Variants in FAM169A observed in about 807,000 individuals in gnomAD.
FAM169A encodes soluble lamin-associated protein of 75 kDa.
In FAM169A, 24 loss-of-function variants were observed where a neutral mutation model predicts 75.7. That is an observed-to-expected ratio of 0.32 (90% confidence interval 0.23 to 0.45). FAM169A has a LOEUF of 0.45. Among genes scored for constraint, FAM169A ranks in the 20% least tolerant of loss-of-function variants. FAM169A has a pLI of 1.00. For missense variants in FAM169A, 673 were observed against 784.0 expected (o/e 0.86, Z 1.69); for synonymous variants, 271 against 271.0 (o/e 1.00, Z 0.00).
chr5:74,809,819 A>C (rs1182270543), intron 6 of FAM169A, among the ~76,000 whole-genome samples: 1 of 152,192 alleles, frequency 6.6e-6, no homozygotes, highest in East Asian at 1.9e-4. Context: ...ATTAAAATTA[A>C]AGAGATTGAC....
chr5:74,834,616 AC>A lies in FAM169A; in HGVS notation c.319-20del. 6.6e-7 allele frequency: 1 copy of A among 1,509,574 alleles called. No individual in the cohort carries two copies. The highest frequency in any genetic ancestry group is 8.8e-7 in the Non-Finnish European group (1 of 1,131,280). The allele number at this position is 1,509,574 out of a possible 1,614,324, so 93.5% of individuals were successfully genotyped here. On this transcript the variant is annotated intron_variant, in intron 4 of 12. Coordinates refer to ENST00000687041, the MANE Select transcript of FAM169A (RefSeq NM_001376049.1). ...TGCTCACCTACAAAGAGAGTCAAAC[AC>A]CAGGCACAGCAGTTATAATATGCAT...
At chr5:74,829,263 T>C (rs1275889766) in intron 5 of FAM169A, among the ~76,000 whole-genome samples, 1 of 152,202 alleles carries the variant, frequency 6.6e-6, no homozygotes, top group African/African-American at 2.4e-5. Flanking sequence ...AAATATCTGA[T>C]TTTGCAACCA....
chr5:74,821,904 T>C (rs1311486976), intron 5 of FAM169A, among the ~76,000 whole-genome samples: 1 of 152,330 alleles, frequency 6.6e-6, no homozygotes, highest in East Asian at 1.9e-4. Flanking sequence ...AGTGGGACAG[T>C]CTGTAGTGGC....
chr5:74,783,960 T>C (rs578239081), intron 11 of FAM169A, among the ~76,000 whole-genome samples: 18 of 152,328 alleles, frequency 1.2e-4, no homozygotes, highest in African/African-American at 4.1e-4. Flanking sequence ...AATCACGGTT[T>C]TTAATTTTTC....
At chr5:74,829,865 C>A (rs965421307) in intron 5 of FAM169A, among the ~76,000 whole-genome samples, 1 of 151,986 alleles carries the variant, frequency 6.6e-6, no homozygotes, top group Non-Finnish European at 1.5e-5. Flanking sequence ...CCCAGCTACT[C>A]AGAAGGCTGA....
At chr5:74,843,477 C>T (rs1306541141) in intron 1 of FAM169A, among the ~76,000 whole-genome samples, 1 of 152,082 alleles carries the variant, frequency 6.6e-6, no homozygotes, top group Admixed American at 6.6e-5. Flanking sequence ...GTGATACAGG[C>T]ATGTGAATCA....
intron 8 of FAM169A, 70 bp from the exon 9 acceptor site, chr5:74,801,699 T>C (rs942223636): frequency 1.1e-5 from 13 of 1,162,012 alleles, no homozygotes; most frequent in South Asian, 3.9e-5. Context: ...ATTTCACTTA[T>C]AGTTTCAAAG....
intron 10 of FAM169A, among the ~76,000 whole-genome samples, chr5:74,797,086 C>T (rs138320909): frequency 3.2e-3 from 489 of 152,294 alleles, no homozygotes; most frequent in Admixed American, 5.3e-3. Flanking sequence ...ATCATCTACA[C>T]CTGTGATAGC....
chr5:74,844,544 A>G (rs575491516), intron 1 of FAM169A, among the ~76,000 whole-genome samples: 2 of 151,812 alleles, frequency 1.3e-5, no homozygotes, highest in South Asian at 4.2e-4. Context: ...TATGGGCCAG[A>G]CACAGTGGCT....
At chr5:74,799,860 A>G in intron 10 of FAM169A, 1 of 1,017,596 alleles carries the variant, frequency 9.8e-7, no homozygotes, top group Non-Finnish European at 1.6e-6. Flanking sequence ...AGACATTCCA[A>G]AACAGAGCAT....
At chr5:74,792,227 T>C (rs1333551554) in intron 11 of FAM169A, among the ~76,000 whole-genome samples, 1 of 152,176 alleles carries the variant, frequency 6.6e-6, no homozygotes, top group Non-Finnish European at 1.5e-5. Flanking sequence ...AGTGTCAACT[T>C]GATTGGATTG....
chr5:74,854,865 C>T (rs1392450065), intron 1 of FAM169A, among the ~76,000 whole-genome samples: 1 of 152,190 alleles, frequency 6.6e-6, no homozygotes, highest in Non-Finnish European at 1.5e-5. Flanking sequence ...CGATGATTGA[C>T]ACTCACGTTG....
intron 1 of FAM169A, among the ~76,000 whole-genome samples, chr5:74,865,025 G>C (rs1467229487): frequency 6.6e-6 from 1 of 152,206 alleles, no homozygotes; most frequent in Non-Finnish European, 1.5e-5. Context: ...ACCAAACCCA[G>C]ATCCACTTCG....
chr5:74,862,003 CTG>C (rs144172631), intron 1 of FAM169A, among the ~76,000 whole-genome samples: 2,055 of 152,302 alleles, frequency 0.013, 46 homozygotes, highest in African/African-American at 0.047. Context: ...TAAATCCAGT[CTG>C]TGTGACACCA....
intron 1 of FAM169A, among the ~76,000 whole-genome samples, chr5:74,863,224 A>ATTTTATTTTATTT (rs1217366173): frequency 3.3e-5 from 5 of 152,204 alleles, no homozygotes; most frequent in Non-Finnish European, 7.4e-5. Flanking sequence ...TTCCCTTATT[A>ATTTTATTTTATTT]TCTTTAAATC....
At chr5:74,841,450 A>T in intron 2 of FAM169A, 95 bp downstream of exon 2, 1 of 958,688 alleles carries the variant, frequency 1.0e-6, no homozygotes, top group Admixed American at 2.8e-5. Context: ...AAAATTAATG[A>T]TTAACACTTA....
chr5:74,864,939 C>T (rs1750236222), intron 1 of FAM169A, among the ~76,000 whole-genome samples: 1 of 152,168 alleles, frequency 6.6e-6, no homozygotes, highest in South Asian at 2.1e-4. Flanking sequence ...CTTGTAAACA[C>T]TTTATAGCAC....
At chr5:74,848,696 C>G (rs936354828) in intron 1 of FAM169A, 1 of 152,056 alleles carries the variant, frequency 6.6e-6, no homozygotes, top group African/African-American at 2.4e-5. Context: ...TCCTAAAGAC[C>G]TTTTCACCTC....
intron 5 of FAM169A, among the ~76,000 whole-genome samples, chr5:74,829,711 C>T (rs761098264): frequency 8.5e-5 from 13 of 152,116 alleles, no homozygotes; most frequent in Admixed American, 3.3e-4. Context: ...TGGTGACTCA[C>T]GCCTATAATC....
Sources: gnomAD v4.1 joint callset for allele counts (sites outside exome capture counted in the v4.1 genomes callset) on GRCh38, gnomAD v4.1.1 for gene constraint, MANE v1.5 for transcripts, NCBI Gene and HGNC (gene_info 2026-07-23, HGNC 2026-07-21) for gene names.